JAKMIP3: variants seen among roughly 807,000 people sequenced by gnomAD.
JAKMIP3 encodes Janus kinase and microtubule interacting protein 3, also known as janus kinase and microtubule-interacting protein 3.
JAKMIP3 carries 58 observed loss-of-function variants against 118.5 expected under a neutral mutation model. That is an observed-to-expected ratio of 0.49 (90% CI 0.40 to 0.61). The LOEUF is 0.61. Ranked by LOEUF, JAKMIP3 falls within the 20% of genes least tolerant of loss-of-function variation. The pLI is 0.00. For missense variants in JAKMIP3, 950 were observed against 1,109.0 expected (o/e 0.86, Z 2.04); for synonymous variants, 486 against 451.2 (o/e 1.08, Z -0.98).
intron 23 of JAKMIP3, among the ~76,000 whole-genome samples, chr10:132,169,380 C>T (rs967101498): frequency 3.3e-5 from 5 of 152,326 alleles, no homozygotes; most frequent in East Asian, 1.9e-4. Context: ...CGCCTCCCTC[C>T]GCTGCTCCCG....
chr10:132,117,630 AGGGTGCAGGGGCG>A lies in JAKMIP3; in HGVS notation c.633+59_633+71del. The A allele has an allele frequency of 3.9e-6, 3 of 765,436 alleles. No homozygotes were observed. The highest frequency in any genetic ancestry group is 3.7e-5 in the South Asian group (2 of 53,582). 47.4% of individuals were successfully genotyped at this position (765,436 alleles called of 1,614,324 possible). Reference sequence around the variant, plus strand: ...GAGGGTGCAGGGGCGGGCGTGGGCGAGGGTGCAGGGGCGGGCGTGGGCGAGGGTGCAGGCGTGG... The same window carrying A: ...GAGGGTGCAGGGGCGGGCGTGGGCGAGGCGTGGGCGAGGGTGCAGGCGTGG... On this transcript the variant is annotated intron_variant, in intron 3 of 23. Transcript: ENST00000684848. The surrounding 1 kb of genome is among the most constrained non-coding windows in gnomAD (Gnocchi z 8.6).
chr10:132,118,913 C>G lies in JAKMIP3; in HGVS notation c.633+1339C>G, dbSNP rs1316844673. On this transcript the variant is annotated intron_variant, in intron 3 of 23. Coordinates refer to ENST00000684848, the MANE Select transcript of JAKMIP3 (RefSeq NM_001323087.2). This position sits in a 1 kb window ranked among gnomAD's most constrained non-coding sequence, Gnocchi z 4.8. ...CACTGTCCCGGGAAGGTGGGAGGGA[C>G]AGGTGGCTGCCTCTGCCCAGTGCCA... Among the ~76,000 whole-genome samples the G allele has an allele frequency of 6.6e-6, 1 of 152,182 alleles. No individual in the cohort carries two copies. The highest frequency in any genetic ancestry group is 1.5e-5 in the Non-Finnish European group (1 of 68,030).
intron 19 of JAKMIP3, among the ~76,000 whole-genome samples, chr10:132,159,157 TG>T (rs1165496383): frequency 5.1e-5 from 5 of 97,406 alleles, no homozygotes; most frequent in African/African-American, 2.1e-4. Context: ...TGTGATGTTG[TG>T]GGGGTATCTC....
At chr10:132,135,183 G>A (rs1197641924) in intron 5 of JAKMIP3, 23 bp downstream of exon 5, 1 of 1,582,752 alleles carries the variant, frequency 6.3e-7, no homozygotes, top group Non-Finnish European at 8.6e-7. Flanking sequence ...GGGGGCTTCT[G>A]GCTCCTGGGG....
At chr10:132,138,089 T>C in intron 8 of JAKMIP3, 30 bp from the exon 9 acceptor site, 1 of 1,605,508 alleles carries the variant, frequency 6.2e-7, no homozygotes, top group Non-Finnish European at 8.5e-7. Context: ...GCTCTACCAC[T>C]TACACAACCT....
At chr10:132,106,171 CA>C (rs113058433) in intron 2 of JAKMIP3, among the ~76,000 whole-genome samples, 6,335 of 150,016 alleles carry the variant, frequency 0.042, 193 homozygotes, top group Middle Eastern at 0.13. Flanking sequence ...CTCATCTCTA[CA>C]AAAAAAAATG....
chr10:132,100,858 C>T (rs1564896901), intron 1 of JAKMIP3, among the ~76,000 whole-genome samples: 4 of 148,392 alleles, frequency 2.7e-5, no homozygotes, highest in Admixed American at 1.3e-4. Context: ...GTTCTCTCTG[C>T]ATGAGGAACC....
chr10:132,087,336 C>T (rs1341395654), intron 1 of JAKMIP3, among the ~76,000 whole-genome samples: 1 of 150,234 alleles, frequency 6.7e-6, no homozygotes, highest in Non-Finnish European at 1.5e-5. Flanking sequence ...GACAATGTGC[C>T]TAGGCGATGA....
intron 1 of JAKMIP3, among the ~76,000 whole-genome samples, chr10:132,101,943 G>A (rs1484950968): frequency 6.6e-6 from 1 of 151,998 alleles, no homozygotes; most frequent in Non-Finnish European, 1.5e-5. Context: ...GGAGGACTGT[G>A]GGAGGTGGGC....
Position 132,118,811 on chromosome 10 carries a change from G to A in JAKMIP3, c.633+1237G>A, listed in dbSNP as rs1282280931. ...CAACCCAAGGACCCGGCCCAAACCA[G>A]CACTCATAAGAACCGGGTGCTTTCT... On this transcript the variant is annotated intron_variant, in intron 3 of 23. Transcript: ENST00000684848. The surrounding 1 kb of genome is among the most constrained non-coding windows in gnomAD (Gnocchi z 4.8). Among the ~76,000 whole-genome samples, 1 of 152,132 alleles carries A rather than the reference G, an allele frequency of 6.6e-6. No individual in the cohort carries two copies. The highest frequency in any genetic ancestry group is 2.4e-5 in the African/African-American group (1 of 41,402).
intron 1 of JAKMIP3, among the ~76,000 whole-genome samples, chr10:132,102,507 G>A (rs900147612): frequency 2.6e-5 from 4 of 152,156 alleles, no homozygotes; most frequent in Non-Finnish European, 5.9e-5. Flanking sequence ...CCACCCTGCC[G>A]GGCCCTTCTC....
At position 132,044,078 on chromosome 10, in the gene JAKMIP3, G is replaced by A. The variant is rs569074570; in HGVS notation, c.-138+7340G>A. Among the ~76,000 whole-genome samples the A allele has an allele frequency of 1.5e-4, 23 of 152,306 alleles. No homozygotes were observed. The highest frequency in any genetic ancestry group is 3.9e-4 in the Admixed American group (6 of 15,302). On this transcript the variant is annotated intron_variant, in intron 1 of 23. Coordinates refer to the JAKMIP3 transcript ENST00000657785. The surrounding 1 kb of genome is among the most constrained non-coding windows in gnomAD (Gnocchi z 5.3). ...GTTCAGATACCGTGTGTGCAGTGGC[G>A]CTTGTGGCCCACCTGGGGACACAGG...
intron 1 of JAKMIP3, among the ~76,000 whole-genome samples, chr10:132,058,851 C>T (rs192114919): frequency 2.0e-5 from 3 of 152,350 alleles, no homozygotes; most frequent in Non-Finnish European, 4.4e-5. Context: ...ATCATAAGGT[C>T]GAAGCCTTGT....
intron 1 of JAKMIP3, among the ~76,000 whole-genome samples, chr10:132,096,390 G>A (rs1416709296): frequency 6.6e-6 from 1 of 152,156 alleles, no homozygotes; most frequent in Admixed American, 6.5e-5. Context: ...ACCGGAGAGT[G>A]ACTCATACAA....
rs531636091 is a variant in JAKMIP3, at chr10:132,115,237, C to T, written c.136-1840C>T. 1.4e-4 allele frequency among the ~76,000 whole-genome samples: 12 copies of T among 83,988 alleles called. 1 individual carries two copies. Among genetic ancestry groups the T allele is most frequent in the African/African-American group, 5.0e-4 (9 of 17,962 alleles). The allele number at this position is 83,988 out of a possible 152,430, so 55.1% of individuals were successfully genotyped here. On this transcript the variant is annotated intron_variant, in intron 2 of 23. Transcript: ENST00000684848. ...GGTCACCCTGCCGGGTCACCGCGAT[C>T]GCGGCTAGGGGTCACCCTGGTGGGT...
chr10:132,169,112 T>A (rs2059215344), intron 23 of JAKMIP3, 79 bp downstream of exon 23: 1 of 152,606 alleles, frequency 6.6e-6, no homozygotes, highest in Non-Finnish European at 1.5e-5. Context: ...CACACCTCTG[T>A]GTCCCCGTCT....
At chr10:132,077,647 G>A (rs1286526197) in intron 1 of JAKMIP3, among the ~76,000 whole-genome samples, 1 of 152,204 alleles carries the variant, frequency 6.6e-6, no homozygotes, top group Non-Finnish European at 1.5e-5. Flanking sequence ...TTAAGCGGAG[G>A]TGGTTTTCTT....
intron 16 of JAKMIP3, 42 bp downstream of exon 16, chr10:132,150,083 AAC>A: frequency 1.3e-6 from 2 of 1,518,862 alleles, no homozygotes; most frequent in Non-Finnish European, 1.8e-6. Flanking sequence ...TTACACCCAC[AAC>A]CCCCAGCCCA....
chr10:132,167,091 C>T (rs1436820941), intron 22 of JAKMIP3, 36 bp downstream of exon 22: 24 of 1,419,806 alleles, frequency 1.7e-5, no homozygotes, highest in Middle Eastern at 1.7e-4. Flanking sequence ...GCAGGGGTCC[C>T]GCTCTGCTTC....
Sources: allele counts gnomAD v4.1 joint callset (sites outside exome capture counted in the v4.1 genomes callset), GRCh38; gene constraint gnomAD v4.1.1; non-coding constraint Gnocchi (gnomAD v3.1); transcripts MANE v1.5; gene names NCBI Gene and HGNC (gene_info 2026-07-23, HGNC 2026-07-21).